Variants in RBFOX3 observed in about 807,000 individuals in gnomAD.
RBFOX3 encodes the protein RNA binding fox-1 homolog 3, also known as RNA binding protein fox-1 homolog 3.
Under a neutral mutation model 48.7 loss-of-function variants are expected in RBFOX3, and 17 were observed. The ratio of observed to expected loss-of-function variants is 0.35; its 90% CI spans 0.24 to 0.52. The LOEUF is 0.52. Ranked by LOEUF, RBFOX3 falls within the 20% of genes least tolerant of loss-of-function variation. The pLI is 0.94. For missense variants in RBFOX3, 382 were observed against 497.5 expected (o/e 0.77, Z 2.21); for synonymous variants, 212 against 209.5 (o/e 1.01, Z -0.10).
chr17:79,250,036 C>T (rs568537957), intron 3 of RBFOX3, among the ~76,000 whole-genome samples: 74 of 152,180 alleles, frequency 4.9e-4, no homozygotes, highest in Non-Finnish European at 1.0e-4. Context: ...AGTTCCTTAG[C>T]GCTTGGTGCA....
At chr17:79,248,228 T>TTG (rs759051530) in intron 3 of RBFOX3, among the ~76,000 whole-genome samples, 16 of 152,020 alleles carry the variant, frequency 1.1e-4, no homozygotes, top group Non-Finnish European at 2.2e-4. Flanking sequence ...TGGCTTTGTT[T>TTG]TGTGTGTGTG....
At chr17:79,399,108 A>T (rs1598521522) in intron 2 of RBFOX3, among the ~76,000 whole-genome samples, 1 of 152,214 alleles carries the variant, frequency 6.6e-6, no homozygotes, top group South Asian at 2.1e-4. Context: ...CGGCCCCCAG[A>T]GGCTAAGAAG....
chr17:79,406,555 G>A (rs1214267571), intron 2 of RBFOX3, among the ~76,000 whole-genome samples: 1 of 152,190 alleles, frequency 6.6e-6, no homozygotes, highest in African/African-American at 2.4e-5. Flanking sequence ...GCCGGGAATT[G>A]TGGAGAGGGA....
rs990680014 is a variant in RBFOX3 at position 79,378,498 on chromosome 17, G to A, written c.-174-70674C>T. On this transcript the variant is annotated intron_variant, in intron 2 of 14. Transcript: ENST00000693108. The stretch of plus-strand genomic sequence containing the variant: ...TCGCACTTGCCCAGGTGTCGGACTC[G>A]CTAGGACATAACCCGTGGCCGCCCT... 3.3e-5 allele frequency among the ~76,000 whole-genome samples: 5 copies of A among 152,308 alleles called. No individual in the cohort carries two copies. The South Asian group carries it at 1.0e-3, about 32-fold the overall frequency.
chr17:79,125,119 C>T (rs113559782), intron 4 of RBFOX3, among the ~76,000 whole-genome samples: 1 of 152,158 alleles, frequency 6.6e-6, no homozygotes, highest in African/African-American at 2.4e-5. Flanking sequence ...CGGGAATGAG[C>T]GAGCCACCTG....
intron 3 of RBFOX3, among the ~76,000 whole-genome samples, chr17:79,255,949 G>A (rs1390480804): frequency 6.6e-6 from 1 of 151,476 alleles, no homozygotes; most frequent in African/African-American, 2.4e-5. Flanking sequence ...GAGGGGCACA[G>A]CTGCCTCCCC....
In RBFOX3 at chr17:79,105,840, T is replaced by C. The variant is rs1249828994; in HGVS notation, c.360+811A>G. Among the ~76,000 whole-genome samples the C allele has an allele frequency of 4.6e-5, 7 of 152,128 alleles. No homozygotes were observed. The East Asian group carries it at 1.2e-3, about 25-fold the overall frequency. On this transcript the variant is annotated intron_variant, in intron 6 of 14. Transcript: ENST00000693108. The stretch of plus-strand genomic sequence containing the variant: ...AGGGAAGAAACACGGCCGGGCTGCG[T>C]GGTCCTCTGTGGCCAGGGCAGGCCT...
At chr17:79,378,610 G>A (rs1443761621) in intron 2 of RBFOX3, among the ~76,000 whole-genome samples, 2 of 152,136 alleles carry the variant, frequency 1.3e-5, no homozygotes, top group African/African-American at 4.8e-5. Context: ...CCCAGGTGCT[G>A]GGGCTGTGTG....
At chr17:79,452,015 G>C (rs1374977367) in intron 2 of RBFOX3, among the ~76,000 whole-genome samples, 2 of 152,182 alleles carry the variant, frequency 1.3e-5, no homozygotes, top group African/African-American at 4.8e-5. Context: ...AGCCCAGAGG[G>C]CTTTACGCTA....
intron 14 of RBFOX3, among the ~76,000 whole-genome samples, chr17:79,093,602 A>G (rs1036106003): frequency 1.3e-5 from 2 of 151,808 alleles, no homozygotes; most frequent in Non-Finnish European, 2.9e-5. Flanking sequence ...GATGGGAAAA[A>G]TCCATATTGC....
At chr17:79,662,014 C>T in the RBFOX3 span, among the ~76,000 whole-genome samples, 2 of 151,790 alleles carry the variant, frequency 1.3e-5, no homozygotes, top group African/African-American at 4.8e-5. Flanking sequence ...GTTAATATTT[C>T]CCCTTGTGGT....
chr17:79,659,604 G>A, the RBFOX3 span, among the ~76,000 whole-genome samples: 1 of 152,098 alleles, frequency 6.6e-6, no homozygotes, highest in Non-Finnish European at 1.5e-5. Flanking sequence ...CAGACACCAC[G>A]AAACCTCCCA....
chr17:79,467,415 T>C (rs1008723380), intron 2 of RBFOX3, among the ~76,000 whole-genome samples: 3 of 152,172 alleles, frequency 2.0e-5, no homozygotes, highest in African/African-American at 7.2e-5. Flanking sequence ...TCCAAATTTC[T>C]TTTACATTTT....
At chr17:79,640,845 A>C in the RBFOX3 span, among the ~76,000 whole-genome samples, 1 of 152,220 alleles carries the variant, frequency 6.6e-6, no homozygotes, top group Non-Finnish European at 1.5e-5. Context: ...CAAAGCCATA[A>C]AACTACTAGA....
chr17:79,481,784 G>A lies in RBFOX3; in HGVS notation c.-175+670C>T, dbSNP rs1312764279. Reference sequence around the variant, plus strand: ...GTCATTTTTAGTGTAGTGCTTTTTTGTTGCTGTCGTTCTGTGAACTGTAGC... The same window carrying A: ...GTCATTTTTAGTGTAGTGCTTTTTTATTGCTGTCGTTCTGTGAACTGTAGC... On this transcript the variant is annotated intron_variant, in intron 2 of 14. Coordinates refer to ENST00000693108, the MANE Select transcript of RBFOX3 (RefSeq NM_001350451.2). The surrounding 1 kb of genome is among the most constrained non-coding windows in gnomAD (Gnocchi z 5.4). Among the ~76,000 whole-genome samples the A allele has an allele frequency of 6.6e-6, 1 of 152,108 alleles. No homozygotes were observed. Among genetic ancestry groups the A allele is most frequent in the Non-Finnish European group, 1.5e-5 (1 of 68,022 alleles).
chr17:79,184,856 C>G (rs963958626), intron 4 of RBFOX3, among the ~76,000 whole-genome samples: 32 of 152,194 alleles, frequency 2.1e-4, no homozygotes, highest in African/African-American at 7.0e-4. Flanking sequence ...TGTGTGATCT[C>G]AGGAAGGTCG....
intron 3 of RBFOX3, among the ~76,000 whole-genome samples, chr17:79,259,035 C>A (rs545551061): frequency 1.1e-4 from 16 of 152,270 alleles, no homozygotes; most frequent in Non-Finnish European, 2.4e-4. Context: ...CTTGCAATCC[C>A]AGCTCTAAGT....
intron 1 of RBFOX3, among the ~76,000 whole-genome samples, chr17:79,574,754 G>T (rs989871370): frequency 1.1e-4 from 17 of 152,264 alleles, no homozygotes; most frequent in African/African-American, 2.6e-4. Context: ...AAGAAAAAAG[G>T]CTTCACAGGT....
chr17:79,454,855 C>T (rs797044350), intron 2 of RBFOX3, among the ~76,000 whole-genome samples: 4 of 152,324 alleles, frequency 2.6e-5, no homozygotes, highest in African/African-American at 9.6e-5. Context: ...GATGGGCCCA[C>T]TCCCATTGTA....
Sources: allele counts gnomAD v4.1 joint callset (sites outside exome capture counted in the v4.1 genomes callset), GRCh38; gene constraint gnomAD v4.1.1; non-coding constraint Gnocchi (gnomAD v3.1); transcripts MANE v1.5; gene names NCBI Gene and HGNC (gene_info 2026-07-23, HGNC 2026-07-21).